NXN: variants seen among roughly 807,000 people sequenced by gnomAD.
The protein encoded by NXN is nucleoredoxin.
NXN carries 16 observed loss-of-function variants against 48.6 expected under a neutral mutation model. The observed-to-expected ratio is 0.33, with a 90% CI of 0.22 to 0.50. The LOEUF is 0.50. Ranked by LOEUF, NXN falls within the 20% of genes least tolerant of loss-of-function variation. NXN has a pLI of 0.98. For missense variants in NXN, 492 were observed against 605.5 expected, an observed-to-expected ratio of 0.81 and a Z score of 1.97; for synonymous variants, 281 against 269.6, an observed-to-expected ratio of 1.04 and a Z score of -0.41.
rs369939906 is a variant in NXN, at chr17:803,882, G to A, written c.1001-76C>T. The A allele has an allele frequency of 8.6e-5, 137 of 1,592,118 alleles. No homozygotes were observed. In the East Asian group the frequency reaches 1.1e-3, roughly 13 times the overall value. Reference sequence around the variant, plus strand: ...GTCAAACAGAGCGGCACCCGCCGAGGGGGCCTGAGCTGCAGAAACGCCCGC... The same window carrying A: ...GTCAAACAGAGCGGCACCCGCCGAGAGGGCCTGAGCTGCAGAAACGCCCGC... On this transcript the variant is annotated intron_variant, in intron 6 of 7. Transcript: ENST00000336868.
chr17:823,099 CAAA>C (rs11314268), intron 3 of NXN, among the ~76,000 whole-genome samples: 228 of 130,436 alleles, frequency 1.7e-3, no homozygotes, highest in African/African-American at 5.8e-3. Flanking sequence ...GACTCTGTCT[CAAA>C]AAAAAAAAAA....
intron 5 of NXN, among the ~76,000 whole-genome samples, chr17:810,914 A>G (rs544940653): frequency 8.2e-4 from 125 of 152,280 alleles, no homozygotes; most frequent in African/African-American, 3.0e-3. Context: ...GACAAAACAC[A>G]TAAAAGAGAA....
chr17:897,218 C>G (rs1427437476), intron 1 of NXN, among the ~76,000 whole-genome samples: 1 of 152,226 alleles, frequency 6.6e-6, no homozygotes, highest in Non-Finnish European at 1.5e-5. Context: ...GAAAGGGAGG[C>G]AGAGGTTAAG....
chr17:841,522 C>CT (rs878921026), intron 1 of NXN, among the ~76,000 whole-genome samples: 31 of 112,306 alleles, frequency 2.8e-4, no homozygotes, highest in East Asian at 5.1e-4. Context: ...CGAGCAGGTC[C>CT]CCCCGACCAT....
At chr17:937,059 T>C (rs1172755278) in intron 1 of NXN, among the ~76,000 whole-genome samples, 1 of 151,832 alleles carries the variant, frequency 6.6e-6, no homozygotes, top group Non-Finnish European at 1.5e-5. Flanking sequence ...CAGCCTTTAC[T>C]GCAGCCTTTG....
intron 1 of NXN, among the ~76,000 whole-genome samples, chr17:841,908 G>A (rs1914346893): frequency 6.6e-6 from 1 of 152,178 alleles, no homozygotes; most frequent in South Asian, 2.1e-4. Context: ...AGGCCGAGGT[G>A]GGCGGATCAC....
At chr17:814,673 C>A (rs938366910) in intron 5 of NXN, among the ~76,000 whole-genome samples, 6 of 152,228 alleles carry the variant, frequency 3.9e-5, no homozygotes, top group African/African-American at 1.4e-4. Context: ...GGGCCCCTCT[C>A]CTAGTGACTT....
intron 1 of NXN, among the ~76,000 whole-genome samples, chr17:947,260 G>A (rs1266918608): frequency 1.3e-5 from 2 of 152,162 alleles, no homozygotes; most frequent in East Asian, 1.9e-4. Context: ...ACGGGGACGC[G>A]CAGGTGCTGA....
intron 1 of NXN, among the ~76,000 whole-genome samples, chr17:895,625 A>G (rs1040709530): frequency 2.1e-5 from 3 of 143,310 alleles, no homozygotes; most frequent in Non-Finnish European, 3.0e-5. Flanking sequence ...ATCCTGGCTA[A>G]CACGGTGAAA....
In NXN at chr17:914,837, G is replaced by C. The variant is rs9898297; in HGVS notation, c.360+64482C>G. 1.8e-3 allele frequency among the ~76,000 whole-genome samples: 271 copies of C among 152,270 alleles called. 1 individual carries two copies. The highest frequency in any genetic ancestry group is 6.2e-3 in the African/African-American group (256 of 41,532). On this transcript the variant is annotated intron_variant, in intron 1 of 7. Coordinates refer to ENST00000336868, the MANE Select transcript of NXN (RefSeq NM_022463.5). Reference sequence around the variant, plus strand: ...GCTTCCCCTGGAGGAGCTGATGAGTGCGTGGAACCAACAGCACAGGCAAAT... The same window carrying C: ...GCTTCCCCTGGAGGAGCTGATGAGTCCGTGGAACCAACAGCACAGGCAAAT...
At chr17:960,947 G>C (rs2069229387) in intron 1 of NXN, among the ~76,000 whole-genome samples, 2 of 151,884 alleles carry the variant, frequency 1.3e-5, no homozygotes, top group African/African-American at 2.4e-5. Context: ...ACCACGCCCG[G>C]CTAATTTTTT....
intron 1 of NXN, among the ~76,000 whole-genome samples, chr17:892,650 T>TG (rs1023024863): frequency 3.2e-4 from 49 of 151,700 alleles, no homozygotes; most frequent in Non-Finnish European, 5.4e-4. Context: ...GTGGGGTGTG[T>TG]GGGGGGGTGC....
chr17:856,788 G>A (rs938220311), intron 1 of NXN, among the ~76,000 whole-genome samples: 1 of 152,086 alleles, frequency 6.6e-6, no homozygotes, highest in Admixed American at 6.6e-5. Context: ...CCAGCCTACT[G>A]TTCACATTTC....
intron 1 of NXN, among the ~76,000 whole-genome samples, chr17:834,545 G>A (rs1450535956): frequency 2.0e-5 from 3 of 152,148 alleles, no homozygotes; most frequent in African/African-American, 7.2e-5. Flanking sequence ...CTCCTGAGTA[G>A]CTGGAATTAC....
At chr17:924,792 T>C (rs931844859) in intron 1 of NXN, among the ~76,000 whole-genome samples, 3 of 152,210 alleles carry the variant, frequency 2.0e-5, no homozygotes, top group Non-Finnish European at 2.9e-5. Flanking sequence ...AGTTTTAAAA[T>C]GCAAACATTC....
Position 917,406 on chromosome 17 carries a change from G to C in NXN, c.360+61913C>G, listed in dbSNP as rs2068699826. On this transcript the variant is annotated intron_variant, in intron 1 of 7. Coordinates refer to ENST00000336868, the MANE Select transcript of NXN (RefSeq NM_022463.5). The surrounding 1 kb of genome is among the most constrained non-coding windows in gnomAD (Gnocchi z 4.5). ...TCCGCCTGCCTTGGCCTCTGAAAGTGCTGGGCCTCTGAAAGAACAGGCGGG... is the reference window on the plus strand; with the variant it reads ...TCCGCCTGCCTTGGCCTCTGAAAGTCCTGGGCCTCTGAAAGAACAGGCGGG... Among the ~76,000 whole-genome samples the C allele has an allele frequency of 6.6e-6, 1 of 152,224 alleles. No homozygotes were observed. The highest frequency in any genetic ancestry group is 1.5e-5 in the Non-Finnish European group (1 of 68,036).
intron 1 of NXN, among the ~76,000 whole-genome samples, chr17:833,545 A>G (rs574913720): frequency 6.6e-6 from 1 of 152,322 alleles, no homozygotes; most frequent in Non-Finnish European, 1.5e-5. Flanking sequence ...GCCTCTGAAA[A>G]CAGCGGTTTC....
chr17:950,150 G>C (rs944716019), intron 1 of NXN, among the ~76,000 whole-genome samples: 1 of 152,196 alleles, frequency 6.6e-6, no homozygotes, highest in East Asian at 1.9e-4. Context: ...TCACAGCAGG[G>C]AATCTTTTTA....
At chr17:813,369 G>A (rs909812644) in intron 5 of NXN, among the ~76,000 whole-genome samples, 7 of 152,232 alleles carry the variant, frequency 4.6e-5, no homozygotes, top group African/African-American at 1.2e-4. Context: ...TGAGTGAGAC[G>A]GGCTCTGAAG....
Sources: gnomAD v4.1 joint callset for allele counts (sites outside exome capture counted in the v4.1 genomes callset) on GRCh38, gnomAD v4.1.1 for gene constraint, Gnocchi (gnomAD v3.1) non-coding constraint, MANE v1.5 for transcripts, NCBI Gene and HGNC (gene_info 2026-07-23, HGNC 2026-07-21) for gene names.